SYCP1: variants seen among roughly 807,000 people sequenced by gnomAD.
SYCP1 encodes synaptonemal complex protein 1.
SYCP1 carries 64 observed loss-of-function variants against 153.1 expected under a neutral mutation model. The ratio of observed to expected loss-of-function variants is 0.42; its 90% CI spans 0.34 to 0.51. SYCP1 has a LOEUF of 0.51. Among genes scored for constraint, SYCP1 ranks in the 20% least tolerant of loss-of-function variants. The probability of loss-of-function intolerance (pLI) is 0.06; values close to 1 mark genes in which losing one functional copy is unlikely to be tolerated. For synonymous variants in SYCP1, 384 were observed against 341.8 expected (o/e 1.12, Z -1.36); for missense variants, 997 against 1,049.0 (o/e 0.95, Z 0.68).
At chr1:114,943,039 A>G (rs1051861876) in intron 23 of SYCP1, among the ~76,000 whole-genome samples, 1 of 151,990 alleles carries the variant, frequency 6.6e-6, no homozygotes. Context: ...AACATGTTAC[A>G]TAATTTTCTG....
intron 18 of SYCP1, among the ~76,000 whole-genome samples, chr1:114,912,361 G>C (rs1668236274): frequency 6.6e-6 from 1 of 151,742 alleles, no homozygotes; most frequent in African/African-American, 2.4e-5. Flanking sequence ...TCTCCTCTTT[G>C]ATGAATTTCC....
intron 16 of SYCP1, among the ~76,000 whole-genome samples, chr1:114,898,017 G>A (rs1667178507): frequency 6.6e-6 from 1 of 152,218 alleles, no homozygotes; most frequent in Non-Finnish European, 1.5e-5. Context: ...TGTCATGGAT[G>A]TGAGCATAGA....
At chr1:114,983,902 T>C (rs1673328099) in intron 29 of SYCP1, among the ~76,000 whole-genome samples, 1 of 152,012 alleles carries the variant, frequency 6.6e-6, no homozygotes, top group Admixed American at 6.6e-5. Flanking sequence ...CTTAACTTTT[T>C]AAATTACATT....
At chr1:114,924,596 A>G (rs1669133503) in intron 21 of SYCP1, among the ~76,000 whole-genome samples, 1 of 152,172 alleles carries the variant, frequency 6.6e-6, no homozygotes, top group African/African-American at 2.4e-5. Context: ...CAAGTATAGC[A>G]GGGAGGATAA....
chr1:114,947,393 ATAT>A, intron 27 of SYCP1, 73 bp downstream of exon 27: 1 of 970,518 alleles, frequency 1.0e-6, no homozygotes, highest in Non-Finnish European at 1.6e-6. Flanking sequence ...GAATTATGTC[ATAT>A]TATAAAATAA....
rs1570911188 is a variant in SYCP1 at position 114,981,199 on chromosome 1, T to C, written c.2383-137T>C. On this transcript the variant is annotated intron_variant, in intron 28 of 31. Coordinates refer to ENST00000369522, the MANE Select transcript of SYCP1 (RefSeq NM_003176.4). ...GATAACTGTAACTTATTCAAACTTA[T>C]CTAGTCAGTGATAAATTTAGGGATA... 2.9e-5 allele frequency: 18 copies of C among 619,502 alleles called. No individual in the cohort carries two copies. The East Asian group carries it at 5.5e-4, about 19-fold the overall frequency. The allele number at this position is 619,502 out of a possible 1,614,324, so 38.4% of individuals were successfully genotyped here. A position where few individuals can be genotyped will look rare whatever the true frequency, so the allele number is the denominator to read the frequency against.
intron 23 of SYCP1, among the ~76,000 whole-genome samples, chr1:114,937,402 G>T (rs1382913813): frequency 6.6e-6 from 1 of 152,128 alleles, no homozygotes; most frequent in Admixed American, 6.6e-5. Flanking sequence ...ATTCAAGATG[G>T]ATTAAAGACT....
At chr1:114,867,250 C>G (rs1664817457) in intron 8 of SYCP1, among the ~76,000 whole-genome samples, 1 of 152,062 alleles carries the variant, frequency 6.6e-6, no homozygotes, top group South Asian at 2.1e-4. Context: ...TTTTGCCTCA[C>G]CATATAAACT....
intron 16 of SYCP1, among the ~76,000 whole-genome samples, chr1:114,901,405 T>C (rs1304302361): frequency 6.6e-6 from 1 of 152,182 alleles, no homozygotes; most frequent in Non-Finnish European, 1.5e-5. Flanking sequence ...CCAACTTTAG[T>C]TGGGCCAAGC....
At chr1:114,901,569 G>T (rs913299318) in intron 16 of SYCP1, among the ~76,000 whole-genome samples, 6 of 152,110 alleles carry the variant, frequency 3.9e-5, no homozygotes, top group African/African-American at 1.2e-4. Flanking sequence ...TTGAACCTGG[G>T]GCCACCATTG....
rs373660861 is a variant in SYCP1 at position 114,947,278 on chromosome 1, T to C, written c.2280T>C (p.Leu760=). The C allele has an allele frequency of 1.9e-6, 3 of 1,612,962 alleles. No individual in the cohort carries two copies. In the African/African-American group the frequency reaches 4.0e-5, roughly 22 times the overall value. The change falls in exon 27 of 32, where the codon CTT becomes CTC. Residue 760 remains leucine (L), a synonymous_variant. Coordinates refer to ENST00000369522, the MANE Select transcript of SYCP1 (RefSeq NM_003176.4). ...EIELSNLKAE[L]LSVKKQLEIE... is the part of the protein sequence containing the mutation. ...AACTATCCAATCTCAAAGCTGAACT[T>C]TTGTCTGTTAAGAAGCAACTTGAAA...
Position 114,860,741 on chromosome 1 carries a change from A to T in SYCP1, c.530A>T (p.Asn177Ile). 1 of 1,594,250 alleles carries T rather than the reference A, an allele frequency of 6.3e-7. No homozygotes were observed. The highest frequency in any genetic ancestry group is 8.5e-7 in the Non-Finnish European group (1 of 1,173,382). Residue 177 changes from asparagine to isoleucine, a missense_variant, in exon 8 of 32, where the codon AAT (asparagine) becomes ATT (isoleucine). Around this residue, in one of 2 missense-constraint regions of SYCP1, gnomAD observed 285 missense variants for 366.1 expected, o/e 0.78. Transcript: ENST00000369522. ...AACTCTTTCCTTTGTTTCAGGAATA[A>T]TGCCACAAGGCATTTATGTAATCTA... is the stretch of plus-strand genomic sequence containing the variant. ...QENKDLIKEN[N>I]ATRHLCNLLK...
intron 16 of SYCP1, among the ~76,000 whole-genome samples, chr1:114,900,751 G>T (rs1356335459): frequency 6.6e-6 from 1 of 152,172 alleles, no homozygotes; most frequent in Non-Finnish European, 1.5e-5. Flanking sequence ...GCTAAGGTTT[G>T]ACTTCTTCCT....
Position 114,914,051 on chromosome 1 carries a change from A to G in SYCP1, c.1718+6A>G. On this transcript the variant is annotated splice_donor_region_variant and intron_variant, in intron 20 of 31. Coordinates refer to ENST00000369522, the MANE Select transcript of SYCP1 (RefSeq NM_003176.4). Reference sequence around the variant, plus strand: ...GAAACAGAAACCCAATTAAGGCAAGACTAACAAATTGGCCTTTTTTTGTCT... The same window carrying G: ...GAAACAGAAACCCAATTAAGGCAAGGCTAACAAATTGGCCTTTTTTTGTCT... 6.5e-7 allele frequency: 1 copy of G among 1,542,412 alleles called. No homozygotes were observed. The highest frequency in any genetic ancestry group is 8.7e-7 in the Non-Finnish European group (1 of 1,148,990).
At chr1:114,991,490 G>T (rs1432129317) in intron 30 of SYCP1, among the ~76,000 whole-genome samples, 1 of 151,788 alleles carries the variant, frequency 6.6e-6, no homozygotes, top group African/African-American at 2.4e-5. Flanking sequence ...GAATGCCAGG[G>T]AGGTTCAACA....
chr1:114,895,595 G>C, intron 16 of SYCP1, 86 bp downstream of exon 16: 1 of 651,186 alleles, frequency 1.5e-6, no homozygotes, highest in Non-Finnish European at 2.3e-6. Context: ...TCACACTATA[G>C]ATGTTTTATA....
intron 27 of SYCP1, among the ~76,000 whole-genome samples, chr1:114,960,041 C>T (rs1671681689): frequency 6.6e-6 from 1 of 151,898 alleles, no homozygotes; most frequent in African/African-American, 2.4e-5. Context: ...AACAGTGTTA[C>T]AGTAAACATG....
In SYCP1 at chr1:114,895,473, C is replaced by A; in HGVS notation, c.1284C>A (p.Asn428Lys). ...AAGAGATGACTAAGCTTACAAATAA[C>A]AAAGAAGTAGAACTTGAAGAATTGA... The part of the protein sequence containing the change: ...ELEEMTKLTN[N>K]KEVELEELKK... Residue 428 changes from asparagine (N) to lysine (K), a missense_variant, in exon 16 of 32, where the codon AAC becomes AAA. Coordinates refer to ENST00000369522, the MANE Select transcript of SYCP1 (RefSeq NM_003176.4). The A allele has an allele frequency of 6.5e-7, 1 of 1,527,094 alleles. No homozygotes were observed. The allele number at this position is 1,527,094 out of a possible 1,614,324, so 94.6% of individuals were successfully genotyped here. A position where few individuals can be genotyped will look rare whatever the true frequency, so the allele number is the denominator to read the frequency against.
chr1:114,984,687 T>A, intron 29 of SYCP1, 38 bp from the exon 30 acceptor site: 1 of 1,294,218 alleles, frequency 7.7e-7, no homozygotes, highest in African/African-American at 1.5e-5. Flanking sequence ...GCATATTTTA[T>A]TTGATATGAT....
Sources: allele counts gnomAD v4.1 joint callset (sites outside exome capture counted in the v4.1 genomes callset), GRCh38; gene constraint gnomAD v4.1.1; regional missense constraint gnomAD v4.1.1; transcripts MANE v1.5; gene names NCBI Gene and HGNC (gene_info 2026-07-23, HGNC 2026-07-21).